The following CUL2 variants were observed in gnomAD, a reference collection of about 807,000 sequenced individuals.
CUL2 encodes the protein cullin 2.
Under a neutral mutation model 110.2 loss-of-function variants are expected in CUL2, and 22 were observed. The observed-to-expected ratio is 0.20, with a 90% CI of 0.14 to 0.28. The LOEUF is 0.28. Among genes scored for constraint, CUL2 ranks in the 10% least tolerant of loss-of-function variants. The pLI is 1.00. For missense variants in CUL2, 631 were observed against 905.5 expected (o/e 0.70, Z 3.89); for synonymous variants, 279 against 293.2 (o/e 0.95, Z 0.49).
chr10:35,073,007 C>T (rs772224322), intron 1 of CUL2, among the ~76,000 whole-genome samples: 2 of 152,054 alleles, frequency 1.3e-5, no homozygotes, highest in Non-Finnish European at 2.9e-5. Context: ...GGTAGGATGG[C>T]GGCCGCACCA....
At chr10:35,073,580 CTT>C (rs1252315578) in intron 1 of CUL2, among the ~76,000 whole-genome samples, 1 of 150,684 alleles carries the variant, frequency 6.6e-6, no homozygotes, top group African/African-American at 2.4e-5. Flanking sequence ...ATTTTCTTTT[CTT>C]TTCTTTTTTT....
chr10:35,037,321 A>G (rs1180874197), intron 9 of CUL2, among the ~76,000 whole-genome samples: 1 of 152,208 alleles, frequency 6.6e-6, no homozygotes, highest in Non-Finnish European at 1.5e-5. Context: ...TTGGTCTTAC[A>G]TCAAGTGGCC....
chr10:35,059,507 T>C lies in CUL2; in HGVS notation c.317+1367A>G, dbSNP rs773550426. Among the ~76,000 whole-genome samples, 7 of 152,208 alleles carry C rather than the reference T, an allele frequency of 4.6e-5. 1 individual carries two copies. Among genetic ancestry groups the C allele is most frequent in the Non-Finnish European group, 7.3e-5 (5 of 68,038 alleles). On this transcript the variant is annotated intron_variant, in intron 4 of 20. Coordinates refer to ENST00000374749, the MANE Select transcript of CUL2 (RefSeq NM_003591.4). ...TTAAATTAAGTTGTGCACATTTTTT[T>C]AGACAATGCTACTGCACACTTAACA...
In CUL2 at chr10:35,033,210, T is replaced by C; in HGVS notation, c.1066A>G (p.Thr356Ala). The change falls in exon 11 of 21, where the codon ACT (threonine) becomes GCT (alanine). Residue 356 changes from threonine (T) to alanine (A), a missense_variant. Coordinates refer to ENST00000374749, the MANE Select transcript of CUL2 (RefSeq NM_003591.4). ...VHGKFVQLIN[T>A]VLNGDQHFMS... ...AAATGCTGATCACCATTCAAAACAG[T>C]GTTGATAAGCTGAACAAATTTACCA... 1 of 1,613,698 alleles carries C rather than the reference T, an allele frequency of 6.2e-7. No individual in the cohort carries two copies. Among genetic ancestry groups the C allele is most frequent in the Non-Finnish European group, 8.5e-7 (1 of 1,179,864 alleles).
chr10:35,072,725 A>T (rs548493066), intron 1 of CUL2, among the ~76,000 whole-genome samples: 8 of 152,158 alleles, frequency 5.3e-5, no homozygotes, highest in African/African-American at 7.2e-5. Context: ...TGCATTTAGG[A>T]ATTAGCTGGT....
At chr10:35,082,064 A>G (rs1034730591) in intron 1 of CUL2, among the ~76,000 whole-genome samples, 2 of 151,884 alleles carry the variant, frequency 1.3e-5, no homozygotes, top group African/African-American at 4.8e-5. Context: ...TGGGAGGCCA[A>G]CGTGGGAGGA....
At chr10:35,054,651 C>T in intron 4 of CUL2, 112 bp from the exon 5 acceptor site, 1 of 531,536 alleles carries the variant, frequency 1.9e-6, no homozygotes, top group South Asian at 3.2e-5. Flanking sequence ...ATGGAATAGC[C>T]TACTAACAAA....
At chr10:35,079,072 G>A (rs1225295354) in intron 1 of CUL2, among the ~76,000 whole-genome samples, 1 of 152,186 alleles carries the variant, frequency 6.6e-6, no homozygotes, top group African/African-American at 2.4e-5. Flanking sequence ...AGATCCCCAG[G>A]AATGCCCGAA....
At chr10:35,107,615 G>A (rs2135122215) in intron 1 of CUL2, among the ~76,000 whole-genome samples, 1 of 151,894 alleles carries the variant, frequency 6.6e-6, no homozygotes, top group Non-Finnish European at 1.5e-5. Flanking sequence ...TGGCGCGGTG[G>A]CTCATGCCTG....
At chr10:35,086,586 C>T (rs888724605) in intron 1 of CUL2, among the ~76,000 whole-genome samples, 10 of 151,902 alleles carry the variant, frequency 6.6e-5, no homozygotes, top group African/African-American at 1.9e-4. Context: ...CGTACGTGGC[C>T]GGAAACAGCT....
At chr10:35,116,035 A>G (rs2087593386) in intron 1 of CUL2, among the ~76,000 whole-genome samples, 1 of 152,108 alleles carries the variant, frequency 6.6e-6, no homozygotes, top group Admixed American at 6.6e-5. Context: ...TCTGATAGAC[A>G]TTAAAGGATA....
At chr10:35,111,511 G>T (rs1017996969) in intron 1 of CUL2, among the ~76,000 whole-genome samples, 2 of 152,120 alleles carry the variant, frequency 1.3e-5, no homozygotes, top group African/African-American at 4.8e-5. Flanking sequence ...CTCTGCCTTG[G>T]TCTCCCAAAA....
chr10:35,056,123 T>C (rs956733858), intron 4 of CUL2, among the ~76,000 whole-genome samples: 2 of 152,228 alleles, frequency 1.3e-5, no homozygotes, highest in African/African-American at 4.8e-5. Flanking sequence ...TTTTTGTGCA[T>C]TCATCTTCTC....
intron 1 of CUL2, chr10:35,079,570 C>CTA (rs941307013): frequency 4.6e-5 from 7 of 152,796 alleles, no homozygotes; most frequent in African/African-American, 1.7e-4. Context: ...CACGATATAA[C>CTA]TATCACTTTT....
chr10:35,106,651 G>A (rs1405902729), intron 1 of CUL2, among the ~76,000 whole-genome samples: 1 of 151,866 alleles, frequency 6.6e-6, no homozygotes, highest in Non-Finnish European at 1.5e-5. Flanking sequence ...TTGTTTATAA[G>A]CCACCCAGTC....
intron 1 of CUL2, among the ~76,000 whole-genome samples, chr10:35,087,528 C>A (rs541542240): frequency 1.3e-5 from 2 of 152,226 alleles, no homozygotes; most frequent in African/African-American, 4.8e-5. Flanking sequence ...CTTCTCACCT[C>A]CACTTGAACA....
chr10:35,124,504 G>T (rs2087715785), intron 1 of CUL2, among the ~76,000 whole-genome samples: 1 of 152,120 alleles, frequency 6.6e-6, no homozygotes. Flanking sequence ...GTGAAGAAGT[G>T]AATACAACCC....
At chr10:35,037,000 A>G (rs545580657) in intron 9 of CUL2, among the ~76,000 whole-genome samples, 1 of 152,142 alleles carries the variant, frequency 6.6e-6, no homozygotes, top group South Asian at 2.1e-4. Context: ...ATGGCCTTTT[A>G]ATAATCCAAA....
chr10:35,014,406 G>A (rs7920095), intron 18 of CUL2, among the ~76,000 whole-genome samples: 44,561 of 152,112 alleles, frequency 0.29, 7,063 homozygotes, highest in South Asian at 0.35. Flanking sequence ...AACAACTTCT[G>A]TATCAGGCTT....
Sources: allele counts gnomAD v4.1 joint callset (sites outside exome capture counted in the v4.1 genomes callset), GRCh38; gene constraint gnomAD v4.1.1; transcripts MANE v1.5; gene names NCBI Gene and HGNC (gene_info 2026-07-23, HGNC 2026-07-21).